GPHN: variants seen among roughly 807,000 people sequenced by gnomAD.
The protein encoded by GPHN is gephyrin.
GPHN carries 17 observed loss-of-function variants against 95.5 expected under a neutral mutation model. That is an observed-to-expected ratio of 0.18 (90% confidence interval 0.12 to 0.27). The LOEUF (loss-of-function observed/expected upper bound fraction) is 0.27, where lower values mean the gene tolerates loss of function less well. Among genes scored for constraint, GPHN ranks in the 10% least tolerant of loss-of-function variants. The pLI is 1.00. For missense variants in GPHN, 660 were observed against 978.1 expected, an observed-to-expected ratio of 0.67 and a Z score of 4.34; for synonymous variants, 320 against 322.5, an observed-to-expected ratio of 0.99 and a Z score of 0.08.
intron 18 of GPHN, among the ~76,000 whole-genome samples, chr14:67,149,998 A>G (rs1222558174): frequency 6.6e-6 from 1 of 152,198 alleles, no homozygotes; most frequent in African/African-American, 2.4e-5. Flanking sequence ...ATGATGCTTA[A>G]TAATAAATGC....
Position 66,723,982 on chromosome 14 carries a change from T to TACACACAC in GPHN, c.143+42800_143+42801insCACACACA, listed in dbSNP as rs369422536. On this transcript the variant is annotated intron_variant, in intron 2 of 22. Transcript: ENST00000478722. ...AAATATCACAAATCTATGTCATGCA[T>TACACACAC]ACATACACACACACACACACACACA... is the stretch of plus-strand genomic sequence containing the variant. Among the ~76,000 whole-genome samples the TACACACAC allele has an allele frequency of 7.8e-3, 1,115 of 143,180 alleles. 14 individuals carry two copies. Among genetic ancestry groups the TACACACAC allele is most frequent in the African/African-American group, 0.023 (877 of 38,244 alleles). The allele number at this position is 143,180 out of a possible 152,430, so 93.9% of individuals were successfully genotyped here. A position where few individuals can be genotyped will look rare whatever the true frequency, so the allele number is the denominator to read the frequency against.
At chr14:67,702,724 T>C in the GPHN span, among the ~76,000 whole-genome samples, 2 of 152,232 alleles carry the variant, frequency 1.3e-5, no homozygotes, top group Admixed American at 6.5e-5. Context: ...TTGGGTATCA[T>C]GTAGATACAA....
At chr14:66,846,154 AG>A (rs1319894169) in intron 4 of GPHN, among the ~76,000 whole-genome samples, 2 of 152,082 alleles carry the variant, frequency 1.3e-5, no homozygotes, top group Non-Finnish European at 2.9e-5. Flanking sequence ...CAACAATTTT[AG>A]GGGGGGTGAT....
chr14:66,574,499 T>C (rs10133429), intron 1 of GPHN, among the ~76,000 whole-genome samples: 51,643 of 152,130 alleles, frequency 0.34, 13,165 homozygotes, highest in African/African-American at 0.69. Flanking sequence ...GAGTTTTATA[T>C]TTTCATATGT....
chr14:67,397,738 A>G, the GPHN span: 1 of 1,612,504 alleles, frequency 6.2e-7, no homozygotes, highest in African/African-American at 1.3e-5. Flanking sequence ...GGGAGGGGTC[A>G]CTCTCCGACC....
chr14:66,641,676 T>C lies in GPHN; in HGVS notation c.65-39431T>C, dbSNP rs974651040. Among the ~76,000 whole-genome samples the C allele has an allele frequency of 4.1e-5, 6 of 146,856 alleles. No individual in the cohort carries two copies. In the South Asian group the frequency reaches 6.4e-4, roughly 16 times the overall value. On this transcript the variant is annotated intron_variant, in intron 1 of 22. Transcript: ENST00000478722. Reference sequence around the variant, plus strand: ...TGACAAAAAAAAAAAAAGAGAGAGGTAGAGCACATTTTTACAGCAAGAGTA... The same window carrying C: ...TGACAAAAAAAAAAAAAGAGAGAGGCAGAGCACATTTTTACAGCAAGAGTA...
rs534493077 is a variant in GPHN, at chr14:66,614,381, G to A, written c.65-66726G>A. Among the ~76,000 whole-genome samples the A allele has an allele frequency of 2.6e-4, 40 of 152,082 alleles. 1 individual carries two copies. The South Asian group carries it at 5.2e-3, about 20-fold the overall frequency. On this transcript the variant is annotated intron_variant, in intron 1 of 22. Transcript: ENST00000478722. ...AACTACTGCACAATACAGTATTGCC[G>A]CCTAAATCCCACTTTAAAACCTACC...
intron 1 of GPHN, among the ~76,000 whole-genome samples, chr14:66,645,769 A>G (rs1484079706): frequency 6.6e-6 from 1 of 151,058 alleles, no homozygotes; most frequent in Non-Finnish European, 1.5e-5. Flanking sequence ...TAACAATTTT[A>G]TTTTATTTTA....
chr14:67,349,031 C>T, the GPHN span: 46 of 1,613,488 alleles, frequency 2.9e-5, no homozygotes, highest in East Asian at 1.3e-4. Context: ...AAGGTTGAAA[C>T]GTTACCTGCT....
chr14:66,983,381 T>C (rs1389953031), intron 9 of GPHN, among the ~76,000 whole-genome samples: 1 of 152,256 alleles, frequency 6.6e-6, no homozygotes, highest in African/African-American at 2.4e-5. Context: ...ATCTACTGAT[T>C]TCACTTTTCT....
At chr14:67,204,530 T>C in the GPHN span, 1 of 1,610,318 alleles carries the variant, frequency 6.2e-7, no homozygotes, top group East Asian at 2.2e-5. Context: ...CGTGTGCTTG[T>C]TTGCAGGTTT....
chr14:66,985,719 G>C, intron 9 of GPHN: 7 of 1,529,580 alleles, frequency 4.6e-6, no homozygotes, highest in Non-Finnish European at 6.1e-6. Flanking sequence ...GGAGTTGCTA[G>C]TAGAGTTGGA....
intron 1 of GPHN, among the ~76,000 whole-genome samples, chr14:66,645,691 C>CAA (rs35278627): frequency 0.053 from 5,771 of 108,892 alleles, 659 homozygotes; most frequent in East Asian, 0.46. Flanking sequence ...GACTCCATTT[C>CAA]AAAAAAAAAA....
the GPHN span, among the ~76,000 whole-genome samples, chr14:67,559,245 T>C: frequency 6.6e-6 from 1 of 151,426 alleles, no homozygotes; most frequent in South Asian, 2.2e-4. Flanking sequence ...TAGTTAAAAA[T>C]AAAAAAACGG....
At chr14:66,968,691 T>G (rs766387837) in intron 9 of GPHN, among the ~76,000 whole-genome samples, 20 of 152,176 alleles carry the variant, frequency 1.3e-4, no homozygotes, top group Admixed American at 6.5e-5. Flanking sequence ...GTTTTGTGTC[T>G]ATTATTTGAC....
the GPHN span, among the ~76,000 whole-genome samples, chr14:67,527,840 C>A: frequency 9.2e-5 from 14 of 152,246 alleles, no homozygotes; most frequent in African/African-American, 2.9e-4. Context: ...AGCAAGAACT[C>A]ACTCACAGCT....
chr14:67,367,605 G>A, the GPHN span, among the ~76,000 whole-genome samples: 7 of 152,134 alleles, frequency 4.6e-5, no homozygotes, highest in South Asian at 2.1e-4. Context: ...AATGGAACAC[G>A]GTGGGCACGT....
chr14:67,379,654 CT>C, the GPHN span, among the ~76,000 whole-genome samples: 540 of 119,924 alleles, frequency 4.5e-3, 7 homozygotes, highest in African/African-American at 0.016. Context: ...TTTTCTTTTT[CT>C]TTTTTTTTTT....
At chr14:66,744,051 A>C (rs28691257) in intron 2 of GPHN, among the ~76,000 whole-genome samples, 47,302 of 152,022 alleles carry the variant, frequency 0.31, 11,181 homozygotes, top group African/African-American at 0.64. Context: ...TTCATCTTTC[A>C]TCTATCCCAA....
Sources: allele counts gnomAD v4.1 joint callset (sites outside exome capture counted in the v4.1 genomes callset), GRCh38; gene constraint gnomAD v4.1.1; transcripts MANE v1.5; gene names NCBI Gene and HGNC (gene_info 2026-07-23, HGNC 2026-07-21).